Variants in TSPAN13 observed in about 807,000 individuals in gnomAD.
The protein encoded by TSPAN13 is tetraspanin-13.
In TSPAN13, 18 loss-of-function variants were observed where a neutral mutation model predicts 26.9. The observed-to-expected ratio is 0.67, with a 90% CI of 0.46 to 0.99. The LOEUF (loss-of-function observed/expected upper bound fraction) is 0.99, where lower values mean the gene tolerates loss of function less well. Ranked by LOEUF, TSPAN13 falls within the 50% of genes least tolerant of loss-of-function variation. TSPAN13 has a pLI of 0.00. For synonymous variants in TSPAN13, 116 were observed against 98.4 expected, an observed-to-expected ratio of 1.18 and a Z score of -1.06; for missense variants, 201 against 249.6, an observed-to-expected ratio of 0.81 and a Z score of 1.31.
chr7:16,758,742 T>C (rs899962376), intron 1 of TSPAN13, among the ~76,000 whole-genome samples: 13 of 143,894 alleles, frequency 9.0e-5, no homozygotes, highest in Non-Finnish European at 1.8e-4. Flanking sequence ...GAATATTTCT[T>C]GTAATACCCT....
At chr7:16,776,011 G>A (rs904570282) in intron 1 of TSPAN13, 200 bp from the exon 2 acceptor site, 4 of 441,678 alleles carry the variant, frequency 9.1e-6, no homozygotes, top group Admixed American at 4.1e-5. Context: ...AATAAAGCAC[G>A]CCTGGGGATT....
At chr7:16,754,389 C>T (rs6461274) in intron 1 of TSPAN13, among the ~76,000 whole-genome samples, 7,578 of 152,268 alleles carry the variant, frequency 0.05, 662 homozygotes, top group African/African-American at 0.17. Context: ...GACATCCAGA[C>T]GCATCTGGGC....
intron 1 of TSPAN13, among the ~76,000 whole-genome samples, chr7:16,757,178 G>C (rs979934957): frequency 6.6e-6 from 1 of 152,162 alleles, no homozygotes; most frequent in African/African-American, 2.4e-5. Flanking sequence ...TTGTGGGTTA[G>C]AGAAGTTGGG....
chr7:16,772,501 C>T (rs1784691901), intron 1 of TSPAN13, among the ~76,000 whole-genome samples: 1 of 152,156 alleles, frequency 6.6e-6, no homozygotes, highest in Non-Finnish European at 1.5e-5. Flanking sequence ...TTTCTGGTGG[C>T]TGCTGGCATT....
intron 1 of TSPAN13, among the ~76,000 whole-genome samples, chr7:16,769,675 A>C (rs958671726): frequency 6.6e-6 from 1 of 150,706 alleles, no homozygotes; most frequent in Non-Finnish European, 1.5e-5. Context: ...TTTTTTTTTG[A>C]TTTTTTGGAT....
chr7:16,766,630 G>A (rs909261181), intron 1 of TSPAN13, among the ~76,000 whole-genome samples: 4 of 152,218 alleles, frequency 2.6e-5, no homozygotes, highest in African/African-American at 9.7e-5. Context: ...AGGAGGGAAT[G>A]TGGACTGCTC....
chr7:16,779,065 A>G lies in TSPAN13; in HGVS notation c.489A>G (p.Gly163=). 6.2e-7 allele frequency: 1 copy of G among 1,614,072 alleles called. No homozygotes were observed. Among genetic ancestry groups the G allele is most frequent in the Non-Finnish European group, 8.5e-7 (1 of 1,179,976 alleles). ...CTCCAATCATAGGAGAATATGCTGG[A>G]GAGGTTTTGAGATTTGTTGGTGGCA... The part of the protein sequence containing the change: ...PCAPIIGEYA[G]EVLRFVGGIG... Residue 163 remains glycine, a synonymous_variant, in exon 5 of 6, where the codon GGA becomes GGG. Transcript: ENST00000262067.
Position 16,759,574 on chromosome 7 carries a change from CTG to C in TSPAN13, c.63+5546_63+5547del, listed in dbSNP as rs35315711. 2.9e-3 allele frequency among the ~76,000 whole-genome samples: 444 copies of C among 152,176 alleles called. 2 individuals carry two copies. Among genetic ancestry groups the C allele is most frequent in the Non-Finnish European group, 5.6e-3 (383 of 68,002 alleles). The stretch of plus-strand genomic sequence containing the variant: ...GATTTGGAGGAGGCAAATATCCAAA[CTG>C]TATCAAAAGGCCTAAAGGAGATGAA... On this transcript the variant is annotated intron_variant, in intron 1 of 5. Coordinates refer to ENST00000262067, the MANE Select transcript of TSPAN13 (RefSeq NM_014399.4).
intron 1 of TSPAN13, among the ~76,000 whole-genome samples, chr7:16,761,436 CAGA>C (rs1422618620): frequency 1.1e-4 from 17 of 152,148 alleles, no homozygotes; most frequent in African/African-American, 3.4e-4. Context: ...CCACATTAAG[CAGA>C]AGTTCAGAAG....
chr7:16,755,797 T>A (rs963484148), intron 1 of TSPAN13, among the ~76,000 whole-genome samples: 4 of 152,250 alleles, frequency 2.6e-5, no homozygotes, highest in African/African-American at 9.6e-5. Context: ...TTTCTAGACA[T>A]CATTTTTAGT....
chr7:16,764,358 A>G (rs1339024944), intron 1 of TSPAN13, among the ~76,000 whole-genome samples: 1 of 152,070 alleles, frequency 6.6e-6, no homozygotes, highest in Non-Finnish European at 1.5e-5. Context: ...TATTGTATGT[A>G]TCAATCTGAA....
intron 1 of TSPAN13, among the ~76,000 whole-genome samples, chr7:16,770,934 A>C (rs1176772668): frequency 6.6e-6 from 1 of 152,136 alleles, no homozygotes; most frequent in African/African-American, 2.4e-5. Flanking sequence ...TTTTGAAGAG[A>C]CTGAAAAGTC....
chr7:16,780,529 A>G (rs932013335), intron 5 of TSPAN13, among the ~76,000 whole-genome samples: 1 of 152,230 alleles, frequency 6.6e-6, no homozygotes, highest in East Asian at 1.9e-4. Context: ...GAAAAATGAT[A>G]TACAGCTTGA....
chr7:16,758,978 G>A (rs1169243873), intron 1 of TSPAN13, among the ~76,000 whole-genome samples: 1 of 152,128 alleles, frequency 6.6e-6, no homozygotes, highest in East Asian at 1.9e-4. Flanking sequence ...AATCCCAATG[G>A]CTTGCCTTCA....
chr7:16,754,042 CA>C lies in TSPAN13; in HGVS notation c.63+13del, dbSNP rs1784452933. ...ACCTGCTTTACACCGTGAGTATCCC[CA>C]GTCCGTTCCTGCTCGCTTGGGGGCT... On this transcript the variant is annotated intron_variant, in intron 1 of 5. Coordinates refer to ENST00000262067, the MANE Select transcript of TSPAN13 (RefSeq NM_014399.4). 5.8e-5 allele frequency: 93 copies of C among 1,613,158 alleles called. No individual in the cohort carries two copies. The highest frequency in any genetic ancestry group is 7.6e-5 in the Non-Finnish European group (90 of 1,179,590).
intron 1 of TSPAN13, among the ~76,000 whole-genome samples, chr7:16,763,307 G>A (rs1251316184): frequency 1.3e-5 from 2 of 152,134 alleles, no homozygotes; most frequent in Admixed American, 6.5e-5. Context: ...AAGGTAAATA[G>A]GATCAGTGCA....
chr7:16,771,340 A>G (rs2115330964), intron 1 of TSPAN13, among the ~76,000 whole-genome samples: 1 of 152,356 alleles, frequency 6.6e-6, no homozygotes. Flanking sequence ...GGTGGGCTAA[A>G]TAACCACACA....
intron 1 of TSPAN13, among the ~76,000 whole-genome samples, chr7:16,760,094 G>T (rs1784525897): frequency 6.6e-6 from 1 of 152,164 alleles, no homozygotes; most frequent in Admixed American, 6.5e-5. Flanking sequence ...GTCAGGGGTG[G>T]ACCCAGGAGA....
Position 16,779,054 on chromosome 7 carries a change from G to A in TSPAN13, c.478G>A (p.Glu160Lys). ...SCSPCAPIIG[E>K]YAGEVLRFVG... ...CTCGCCATGTGCTCCAATCATAGGA[G>A]AATATGCTGGAGAGGTTTTGAGATT... Residue 160 changes from glutamate to lysine, a missense_variant, in exon 5 of 6, where the codon GAA becomes AAA. By Grantham distance (56) the Glu-to-Lys change is moderately conservative (BLOSUM62 1). Coordinates refer to ENST00000262067, the MANE Select transcript of TSPAN13 (RefSeq NM_014399.4). 6.2e-7 allele frequency: 1 copy of A among 1,614,118 alleles called. No individual in the cohort carries two copies. Among genetic ancestry groups the A allele is most frequent in the Non-Finnish European group, 8.5e-7 (1 of 1,179,992 alleles).
Sources: allele counts gnomAD v4.1 joint callset (sites outside exome capture counted in the v4.1 genomes callset), GRCh38; gene constraint gnomAD v4.1.1; transcripts MANE v1.5; gene names NCBI Gene and HGNC (gene_info 2026-07-23, HGNC 2026-07-21).